SYNPR: variants seen among roughly 807,000 people sequenced by gnomAD.
SYNPR encodes synaptoporin.
SYNPR carries 23 observed loss-of-function variants against 32.9 expected under a neutral mutation model. The observed-to-expected ratio is 0.70, with a 90% confidence interval of 0.50 to 0.99. The LOEUF (loss-of-function observed/expected upper bound fraction) is 0.99. Among genes scored for constraint, SYNPR ranks in the 50% least tolerant of loss-of-function variants. The pLI is 0.00. For synonymous variants in SYNPR, 146 were observed against 135.9 expected (o/e 1.07, Z -0.52); for missense variants, 318 against 349.3 (o/e 0.91, Z 0.71).
At position 63,378,761 on chromosome 3, in the gene SYNPR, C is replaced by T; in HGVS notation, c.84+100019C>T. The stretch of plus-strand genomic sequence containing the variant: ...CTAGTATTAGTAATATATGCCACCT[C>T]TCCTTTTTTTTTCTACTGTTATTTA... On this transcript the variant is annotated intron_variant, in intron 2 of 5. Transcript: ENST00000478300. 1.3e-5 allele frequency among the ~76,000 whole-genome samples: 2 copies of T among 151,936 alleles called. 1 individual carries two copies. The highest frequency in any genetic ancestry group is 2.9e-5 in the Non-Finnish European group (2 of 67,932).
intron 2 of SYNPR, among the ~76,000 whole-genome samples, chr3:63,315,065 G>A (rs538596354): frequency 1.1e-4 from 16 of 151,960 alleles, no homozygotes; most frequent in East Asian, 9.7e-4. Flanking sequence ...GTTTATTTCC[G>A]GTTTCTCTAT....
the SYNPR span, among the ~76,000 whole-genome samples, chr3:63,204,110 T>A: frequency 6.6e-6 from 1 of 152,178 alleles, no homozygotes; most frequent in Admixed American, 6.5e-5. Context: ...CTCTCCAACC[T>A]GGTTTAACAT....
At chr3:63,403,725 G>C (rs1196997791) in intron 2 of SYNPR, among the ~76,000 whole-genome samples, 1 of 152,180 alleles carries the variant, frequency 6.6e-6, no homozygotes, top group Non-Finnish European at 1.5e-5. Context: ...CAAAGCCACA[G>C]AGGTGAGAGA....
At chr3:63,290,560 G>A (rs1434604216) in intron 2 of SYNPR, among the ~76,000 whole-genome samples, 1 of 120,322 alleles carries the variant, frequency 8.3e-6, no homozygotes, top group Non-Finnish European at 1.8e-5. Context: ...CTGAACTTGT[G>A]TATCTTTTTT....
rs112126122 is a variant in SYNPR, at chr3:63,406,205, T to TAA, written c.85-74615_85-74614dup. 7.3e-3 allele frequency among the ~76,000 whole-genome samples: 1,032 copies of TAA among 141,410 alleles called. 11 individuals are homozygous for TAA. The highest frequency in any genetic ancestry group is 0.025 in the African/African-American group (990 of 38,998). 92.8% of individuals were successfully genotyped at this position (141,410 alleles called of 152,430 possible). ...GGTGCGTGGGTTTAGAATGCAGCTT[T>TAA]AAAAAAAAAAAAAGCCACCTATGCC... On this transcript the variant is annotated intron_variant, in intron 2 of 5. Transcript: ENST00000478300.
At chr3:63,221,756 A>G in the SYNPR span, among the ~76,000 whole-genome samples, 3 of 152,146 alleles carry the variant, frequency 2.0e-5, no homozygotes, top group Non-Finnish European at 4.4e-5. Context: ...TCCTGGTATT[A>G]ACACTGTCTA....
intron 3 of SYNPR, among the ~76,000 whole-genome samples, chr3:63,495,276 T>C (rs1457685294): frequency 6.6e-6 from 1 of 152,196 alleles, no homozygotes; most frequent in Non-Finnish European, 1.5e-5. Context: ...AAGGGTTTAA[T>C]GCTATAGCTG....
At chr3:63,235,930 G>C (rs2086197518) in intron 1 of SYNPR, among the ~76,000 whole-genome samples, 1 of 151,716 alleles carries the variant, frequency 6.6e-6, no homozygotes, top group Non-Finnish European at 1.5e-5. Flanking sequence ...TTAAGTCTAG[G>C]AACATTTTAC....
intron 2 of SYNPR, among the ~76,000 whole-genome samples, chr3:63,406,930 C>T (rs189007992): frequency 6.6e-6 from 1 of 152,250 alleles, no homozygotes; most frequent in East Asian, 1.9e-4. Context: ...ACAGATCGGT[C>T]CATGTTGACT....
At position 63,506,804 on chromosome 3, in the gene SYNPR, G is replaced by A. The variant is rs147381193; in HGVS notation, c.209+25848G>A. On this transcript the variant is annotated intron_variant, in intron 3 of 5. Coordinates refer to ENST00000478300, the MANE Select transcript of SYNPR (RefSeq NM_001130003.2). ...TTAAAAGGATCATTTTAAATTAAAA[G>A]TTAAAAACCTCCATGCTGCCTCTGA... is the stretch of plus-strand genomic sequence containing the variant. 4.4e-3 allele frequency among the ~76,000 whole-genome samples: 677 copies of A among 152,248 alleles called. 9 individuals are homozygous for A. The highest frequency in any genetic ancestry group is 0.015 in the African/African-American group (642 of 41,550).
At chr3:63,408,132 T>C (rs1199096976) in intron 2 of SYNPR, among the ~76,000 whole-genome samples, 2 of 60,074 alleles carry the variant, frequency 3.3e-5, no homozygotes, top group African/African-American at 7.1e-5. Context: ...ACAGAACCAA[T>C]AGAAGAAAGA....
At chr3:63,377,046 C>T (rs949249083) in intron 2 of SYNPR, among the ~76,000 whole-genome samples, 1 of 152,036 alleles carries the variant, frequency 6.6e-6, no homozygotes, top group African/African-American at 2.4e-5. Flanking sequence ...CCGTTTTTCC[C>T]AAGTACAACT....
In SYNPR at chr3:63,373,050, TA is replaced by T. The variant is rs918513603; in HGVS notation, c.84+94313del. Among the ~76,000 whole-genome samples the T allele has an allele frequency of 5.1e-4, 78 of 151,866 alleles. 2 individuals carry two copies. Among genetic ancestry groups the T allele is most frequent in the Non-Finnish European group, 7.4e-5 (5 of 67,974 alleles). On this transcript the variant is annotated intron_variant, in intron 2 of 5. Coordinates refer to ENST00000478300, the MANE Select transcript of SYNPR (RefSeq NM_001130003.2). Reference sequence around the variant, plus strand: ...CCCCCTGCAAAAACCCCCAGCCCTCTAAAAACATCCAGAAAAGAAGTCTACT... The same window carrying T: ...CCCCCTGCAAAAACCCCCAGCCCTCTAAAACATCCAGAAAAGAAGTCTACT...
intron 1 of SYNPR, among the ~76,000 whole-genome samples, chr3:63,230,754 A>C (rs1324868142): frequency 6.6e-6 from 1 of 152,142 alleles, no homozygotes; most frequent in African/African-American, 2.4e-5. Flanking sequence ...AACAGCAACT[A>C]CCTCATAGGG....
chr3:63,491,140 G>A (rs1335528345), intron 3 of SYNPR, among the ~76,000 whole-genome samples: 3 of 152,148 alleles, frequency 2.0e-5, no homozygotes, highest in Admixed American at 1.3e-4. Context: ...ATTCCATTGA[G>A]ATGTGTTTGG....
intron 4 of SYNPR, among the ~76,000 whole-genome samples, chr3:63,591,632 A>AT (rs1255472705): frequency 1.4e-5 from 2 of 138,830 alleles, no homozygotes; most frequent in African/African-American, 5.5e-5. Flanking sequence ...AGCCCTAAAA[A>AT]ATGATGAGTT....
intron 2 of SYNPR, among the ~76,000 whole-genome samples, chr3:63,279,787 T>C (rs559934005): frequency 2.0e-5 from 3 of 152,348 alleles, no homozygotes; most frequent in South Asian, 4.1e-4. Context: ...ACTGTGATGA[T>C]TGTTTACACG....
chr3:63,217,726 C>G, the SYNPR span, among the ~76,000 whole-genome samples: 1 of 152,122 alleles, frequency 6.6e-6, no homozygotes, highest in Non-Finnish European at 1.5e-5. Context: ...TTGAATCTTT[C>G]TTTAGTTGGG....
intron 3 of SYNPR, among the ~76,000 whole-genome samples, chr3:63,544,297 T>C (rs1258848399): frequency 6.6e-6 from 1 of 152,134 alleles, no homozygotes; most frequent in East Asian, 1.9e-4. Context: ...TTCAACAAAC[T>C]GTTCCTAGTT....
Sources: gnomAD v4.1 joint callset for allele counts (sites outside exome capture counted in the v4.1 genomes callset) on GRCh38, gnomAD v4.1.1 for gene constraint, MANE v1.5 for transcripts, NCBI Gene and HGNC (gene_info 2026-07-23, HGNC 2026-07-21) for gene names.